Variants in NLRP7 observed in about 807,000 individuals in gnomAD.
NLRP7 encodes NLR family pyrin domain containing 7.
A neutral mutation model predicts 85.5 loss-of-function variants in NLRP7; 72 were observed. The ratio of observed to expected loss-of-function variants is 0.84; its 90% CI spans 0.70 to 1.02. The LOEUF is 1.02. NLRP7 is among the 50% of genes least tolerant of loss of function. The pLI, the probability that NLRP7 is intolerant of heterozygous loss-of-function variation, is 0.00. For synonymous variants in NLRP7, 550 were observed against 505.2 expected (o/e 1.09, Z -1.19); for missense variants, 1,243 against 1,219.5 (o/e 1.02, Z -0.29).
chr19:54,934,731 A>G lies in NLRP7; in HGVS notation c.2301-72T>C. 8.0e-7 allele frequency: 1 copy of G among 1,246,034 alleles called. No individual in the cohort carries two copies. The highest frequency in any genetic ancestry group is 1.1e-6 in the Non-Finnish European group (1 of 899,116). 77.2% of individuals were successfully genotyped at this position (1,246,034 alleles called of 1,614,324 possible). A position where few individuals can be genotyped will look rare whatever the true frequency, so the allele number is the denominator to read the frequency against. On this transcript the variant is annotated intron_variant, in intron 6 of 9. Coordinates refer to ENST00000340844, the Ensembl canonical transcript of NLRP7. This position sits in a 1 kb window ranked among gnomAD's most constrained non-coding sequence, Gnocchi z 6.7. ...ACCCTATCAGCTTTTTTTTTTTGAG[A>G]CAGAGTTTCACTCTGTTGCCCAGTC... is the stretch of plus-strand genomic sequence containing the variant.
chr19:54,930,115 C>CAAAAAAAAA (rs34446838), intron 9 of NLRP7, among the ~76,000 whole-genome samples: 1 of 100,562 alleles, frequency 9.9e-6, no homozygotes, highest in African/African-American at 3.7e-5. Flanking sequence ...GGCTCCGTCT[C>CAAAAAAAAA]AAAAAAAAAA....
At position 54,929,915 on chromosome 19, in the gene NLRP7, C is replaced by A. The variant is rs372030427; in HGVS notation, c.2810+584G>T. ...AGATCATGAGGTCAGGAGATCGAGA[C>A]CATCCTGGCTAACACTGTGAAACCC... On this transcript the variant is annotated intron_variant, in intron 9 of 9. Coordinates refer to ENST00000340844, the Ensembl canonical transcript of NLRP7. Among the ~76,000 whole-genome samples the A allele has an allele frequency of 8.7e-4, 126 of 145,040 alleles. 1 individual carries two copies. The highest frequency in any genetic ancestry group is 7.1e-3 in the Middle Eastern group (2 of 282).
At chr19:54,935,694 GA>G (rs34297504) in intron 6 of NLRP7, among the ~76,000 whole-genome samples, 2,243 of 105,964 alleles carry the variant, frequency 0.021, 28 homozygotes, top group African/African-American at 0.043. Flanking sequence ...CTGTCTCAAA[GA>G]AAAAAAAAAA....
In NLRP7 at chr19:54,934,470, A is replaced by G. The variant is rs761982705; in HGVS notation, c.2471+19T>C. 6 of 1,613,618 alleles carry G rather than the reference A, an allele frequency of 3.7e-6. No homozygotes were observed. In the Admixed American group the frequency reaches 8.3e-5, roughly 22 times the overall value. ...CCCCAGAACTAAACCAGAGCTGCCC[A>G]TGGGAAGAGGAGACTTACGACAACA... On this transcript the variant is annotated intron_variant, in intron 7 of 9. Transcript: ENST00000340844. This position sits in a 1 kb window ranked among gnomAD's most constrained non-coding sequence, Gnocchi z 6.7.
At chr19:54,930,895 C>T (rs563763183) in intron 8 of NLRP7, among the ~76,000 whole-genome samples, 4 of 151,996 alleles carry the variant, frequency 2.6e-5, no homozygotes, top group South Asian at 2.1e-4. Context: ...TGGTGGTGCA[C>T]GCCTGTAGTG....
At chr19:54,957,890 G>T (rs1025003647) in intron 1 of NLRP7, among the ~76,000 whole-genome samples, 3 of 152,102 alleles carry the variant, frequency 2.0e-5, no homozygotes, top group African/African-American at 7.2e-5. Context: ...CTGGCCCGGT[G>T]TACAAAGTGA....
intron 8 of NLRP7, 30 bp downstream of exon 8, chr19:54,933,539 C>T: frequency 2.1e-6 from 3 of 1,437,454 alleles, no homozygotes; most frequent in Non-Finnish European, 9.6e-7. Context: ...AATTCATGTG[C>T]ACACACACAC....
At position 54,936,399 on chromosome 19, in the gene NLRP7, C is replaced by A. The variant is rs200042989; in HGVS notation, c.2162G>T (p.Arg721Leu). The A allele has an allele frequency of 1.2e-4, 197 of 1,613,956 alleles. No individual in the cohort carries two copies. Among genetic ancestry groups the A allele is most frequent in the Non-Finnish European group, 1.6e-4 (194 of 1,179,992 alleles). ...CCCAATGAAAGCAAGACAGAAGTCC[C>A]GGTACGCGGTGTCAGGGGTGACGTT... is the stretch of plus-strand genomic sequence containing the variant. The change falls in exon 6 of 10, where the codon CGG becomes CTG. Residue 721 changes from arginine to leucine, a missense_variant. Arg to Leu is a moderately radical substitution (Grantham distance 102). This residue lies in a region of NLRP7 where 613 missense variants were observed against 588.4 expected (regional missense o/e 1.04). Transcript: ENST00000340844.
At chr19:54,944,151 G>T (rs934937797) in intron 1 of NLRP7, among the ~76,000 whole-genome samples, 4 of 151,936 alleles carry the variant, frequency 2.6e-5, no homozygotes, top group Non-Finnish European at 5.9e-5. Context: ...ACCCGTAAAG[G>T]GTCTGTGCTG....
chr19:54,940,947 CGA>C lies in NLRP7; in HGVS notation c.334_335del (p.Ser112GlyfsTer7). The C allele has an allele frequency of 6.2e-7, 1 of 1,611,892 alleles. No homozygotes were observed. The highest frequency in any genetic ancestry group is 1.1e-5 in the South Asian group (1 of 91,042). ...TTTACCCACCTGGCTTTGCTAACTC[CGA>C]GTCTTCTTCTGCATCTCCCAGCTCA... On this transcript the variant is annotated frameshift_variant, in exon 3 of 10. Coordinates refer to ENST00000340844, the Ensembl canonical transcript of NLRP7. LOFTEE classifies it high-confidence loss of function.
chr19:54,929,396 GTT>G (rs911864738), intron 9 of NLRP7, among the ~76,000 whole-genome samples: 10 of 103,862 alleles, frequency 9.6e-5, no homozygotes, highest in South Asian at 3.5e-4. Context: ...GTGTTCTAGT[GTT>G]TTTTTTCTTT....
intron 1 of NLRP7, among the ~76,000 whole-genome samples, chr19:54,962,883 G>C (rs2070108653): frequency 1.3e-5 from 2 of 152,042 alleles, no homozygotes; most frequent in South Asian, 4.1e-4. Context: ...ACAGGCGTGA[G>C]GCACCACACT....
At chr19:54,933,433 C>T in intron 8 of NLRP7, 136 bp downstream of exon 8, 1 of 1,122,842 alleles carries the variant, frequency 8.9e-7, no homozygotes, top group Non-Finnish European at 1.3e-6. Context: ...GCATGAGCCA[C>T]CACGCCTGGC....
chr19:54,939,734 G>C, exon 4 of NLRP7: 1 of 1,613,532 alleles, frequency 6.2e-7, no homozygotes, highest in Non-Finnish European at 8.5e-7. Context: ...CACCGCGGGG[G>C]CCGAGCCCAG....
chr19:54,943,181 A>T (rs1602190363), intron 1 of NLRP7, among the ~76,000 whole-genome samples: 1 of 151,020 alleles, frequency 6.6e-6, no homozygotes, highest in African/African-American at 2.4e-5. Flanking sequence ...CTGGTGGAAC[A>T]TACCCGTAGT....
intron 1 of NLRP7, among the ~76,000 whole-genome samples, chr19:54,942,778 A>G (rs2069290674): frequency 6.6e-6 from 1 of 152,210 alleles, no homozygotes; most frequent in Admixed American, 6.6e-5. Context: ...ACCAACCCTC[A>G]GAGCCACTTG....
chr19:54,940,752 G>A (rs1039731174), intron 3 of NLRP7, among the ~76,000 whole-genome samples, 179 bp downstream of exon 3: 18 of 151,762 alleles, frequency 1.2e-4, no homozygotes, highest in Middle Eastern at 3.2e-3. Context: ...GCTTGAACCC[G>A]GGAGGCAGAG....
At position 54,934,800 on chromosome 19, in the gene NLRP7, C is replaced by G; in HGVS notation, c.2301-141G>C. On this transcript the variant is annotated intron_variant, in intron 6 of 9. Coordinates refer to ENST00000340844, the Ensembl canonical transcript of NLRP7. The surrounding 1 kb of genome is among the most constrained non-coding windows in gnomAD (Gnocchi z 6.7). ...TCTCACCTCACTGCAGCCTCCGCCT[C>G]CCGGGTTCAAGCTATTCTCCTGCCT... 1 of 669,398 alleles carries G rather than the reference C, an allele frequency of 1.5e-6. No individual in the cohort carries two copies. The highest frequency in any genetic ancestry group is 2.8e-5 in the East Asian group (1 of 36,194). 41.5% of individuals were successfully genotyped at this position (669,398 alleles called of 1,614,324 possible).
Position 54,933,707 on chromosome 19 carries a change from C to A in NLRP7, c.2504G>T (p.Cys835Phe), listed in dbSNP as rs2068771944. The A allele has an allele frequency of 6.2e-7, 1 of 1,614,208 alleles. No individual in the cohort carries two copies. Among genetic ancestry groups the A allele is most frequent in the Non-Finnish European group, 8.5e-7 (1 of 1,180,034 alleles). ...AACCAAGACAGCAGCAAGGTCCTTGCAACTGGCTTCTGTAAGACGACAGTT... is the reference window on the plus strand; with the variant it reads ...AACCAAGACAGCAGCAAGGTCCTTGAAACTGGCTTCTGTAAGACGACAGTT... The change falls in exon 8 of 10, where the codon TGC becomes TTC. Residue 835 changes from cysteine (C) to phenylalanine (F), a missense_variant. Physicochemically the swap from Cys to Phe is radical, Grantham distance 205. Coordinates refer to ENST00000340844, the Ensembl canonical transcript of NLRP7.
Sources: allele counts gnomAD v4.1 joint callset (sites outside exome capture counted in the v4.1 genomes callset), GRCh38; gene constraint gnomAD v4.1.1; regional missense constraint gnomAD v4.1.1; non-coding constraint Gnocchi (gnomAD v3.1); transcripts MANE v1.5; gene names NCBI Gene and HGNC (gene_info 2026-07-23, HGNC 2026-07-21).